The following TPTE variants were observed in gnomAD, a reference collection of about 807,000 sequenced individuals.
TPTE encodes putative tyrosine-protein phosphatase TPTE.
In TPTE, 59 loss-of-function variants were observed where a neutral mutation model predicts 84.1. That is an observed-to-expected ratio of 0.70 (90% CI 0.57 to 0.87). The LOEUF is 0.87. TPTE is among the 40% of genes least tolerant of loss of function. The probability of loss-of-function intolerance (pLI) is 0.00; values close to 1 mark genes in which losing one functional copy is unlikely to be tolerated. For synonymous variants in TPTE, 130 were observed against 223.5 expected, an observed-to-expected ratio of 0.58 and a Z score of 3.73; for missense variants, 382 against 659.6, an observed-to-expected ratio of 0.58 and a Z score of 4.61.
intron 3 of TPTE, among the ~76,000 whole-genome samples, chr21:10,533,974 C>A (rs2074225247): frequency 6.6e-6 from 1 of 152,312 alleles, no homozygotes; most frequent in Non-Finnish European, 1.5e-5. Flanking sequence ...CAACTGGTTA[C>A]AGCTGGATGT....
intron 1 of TPTE, 86 bp downstream of exon 1, chr21:10,521,780 G>C (rs1431766248): frequency 2.0e-5 from 3 of 152,550 alleles, no homozygotes; most frequent in Non-Finnish European, 4.4e-5. Context: ...AGGCGCGAAG[G>C]CACTAGGCGC....
intron 4 of TPTE, among the ~76,000 whole-genome samples, chr21:10,538,965 T>C (rs1374498462): frequency 6.6e-6 from 1 of 152,312 alleles, no homozygotes; most frequent in African/African-American, 2.4e-5. Context: ...TGCGTGGCCA[T>C]AGAGAGTGGT....
chr21:10,563,891 C>T (rs2074859466), intron 10 of TPTE, among the ~76,000 whole-genome samples: 1 of 152,310 alleles, frequency 6.6e-6, no homozygotes, highest in Non-Finnish European at 1.5e-5. Flanking sequence ...TGTGGTGGCT[C>T]ACGCCTGTAA....
intron 17 of TPTE, among the ~76,000 whole-genome samples, chr21:10,583,667 C>T (rs1478274000): frequency 6.6e-6 from 1 of 152,312 alleles, no homozygotes; most frequent in Non-Finnish European, 1.5e-5. Context: ...GTTTAAAGGA[C>T]ATTTTACTAC....
chr21:10,556,363 G>T (rs1442677711), intron 8 of TPTE, among the ~76,000 whole-genome samples: 1 of 152,308 alleles, frequency 6.6e-6, no homozygotes, highest in Admixed American at 6.5e-5. Flanking sequence ...CCCTACAAAG[G>T]ACATGAACTC....
chr21:10,521,955 C>T (rs1239711674), intron 1 of TPTE, among the ~76,000 whole-genome samples: 7 of 152,246 alleles, frequency 4.6e-5, no homozygotes, highest in African/African-American at 1.7e-4. Flanking sequence ...GCGCCCGCTC[C>T]TCCTCATTCA....
chr21:10,545,242 T>C (rs1023721200), intron 7 of TPTE, among the ~76,000 whole-genome samples: 4 of 152,310 alleles, frequency 2.6e-5, no homozygotes, highest in African/African-American at 9.6e-5. Context: ...TTGGTAAAAT[T>C]CATTCACAAA....
At chr21:10,554,042 C>T (rs539469803) in intron 8 of TPTE, among the ~76,000 whole-genome samples, 1 of 152,426 alleles carries the variant, frequency 6.6e-6, no homozygotes, top group Admixed American at 6.5e-5. Flanking sequence ...TTGATGCATG[C>T]ACTTCTAAGT....
intron 13 of TPTE, 21 bp downstream of exon 13, chr21:10,569,767 G>T (rs747734609): frequency 6.2e-7 from 1 of 1,614,012 alleles, no homozygotes; most frequent in East Asian, 2.2e-5. Context: ...CTTAACCGTT[G>T]ATTTACTTGT....
chr21:10,526,558 T>G (rs1165801263), intron 2 of TPTE, among the ~76,000 whole-genome samples: 2 of 152,308 alleles, frequency 1.3e-5, no homozygotes, highest in African/African-American at 4.8e-5. Context: ...AAAATGTATG[T>G]GATCAGTTTC....
chr21:10,584,213 G>T (rs1216144101), intron 17 of TPTE, among the ~76,000 whole-genome samples: 1 of 152,416 alleles, frequency 6.6e-6, no homozygotes, highest in Non-Finnish European at 1.5e-5. Context: ...TTTATTCTTA[G>T]ATTTTTTTTG....
chr21:10,542,004 C>T (rs867856587), intron 5 of TPTE, among the ~76,000 whole-genome samples: 5,025 of 150,446 alleles, frequency 0.033, 1 homozygote, highest in Admixed American at 0.14. Context: ...ACATGAGAAA[C>T]CACCATGCTG....
At chr21:10,574,619 A>C (rs2075113936) in intron 14 of TPTE, among the ~76,000 whole-genome samples, 1 of 152,308 alleles carries the variant, frequency 6.6e-6, no homozygotes, top group Non-Finnish European at 1.5e-5. Flanking sequence ...GACTGACTGG[A>C]TGAACAGGTC....
At chr21:10,536,236 C>T (rs2074262943) in intron 3 of TPTE, among the ~76,000 whole-genome samples, 1 of 152,308 alleles carries the variant, frequency 6.6e-6, no homozygotes. Flanking sequence ...CAAGATGGCT[C>T]CACTGCACTC....
intron 3 of TPTE, among the ~76,000 whole-genome samples, chr21:10,531,862 T>A (rs1223188795): frequency 6.6e-6 from 1 of 152,310 alleles, no homozygotes; most frequent in Admixed American, 6.5e-5. Context: ...AGGTGGGGAT[T>A]TGGTTTCATT....
At chr21:10,578,114 TAAAC>T (rs2075196263) in intron 15 of TPTE, among the ~76,000 whole-genome samples, 1 of 152,310 alleles carries the variant, frequency 6.6e-6, no homozygotes, top group East Asian at 1.9e-4. Context: ...TTATACCTAT[TAAAC>T]AAAAATAAGT....
chr21:10,597,886 A>C, intron 20 of TPTE, 129 bp from the exon 21 acceptor site: 2 of 1,287,812 alleles, frequency 1.6e-6, no homozygotes, highest in Non-Finnish European at 2.2e-6. Context: ...GCAAGACCAA[A>C]TAAGTGACTA....
At chr21:10,522,557 C>T (rs1174642752) in intron 1 of TPTE, among the ~76,000 whole-genome samples, 1 of 152,310 alleles carries the variant, frequency 6.6e-6, no homozygotes, top group Non-Finnish European at 1.5e-5. Context: ...AGCATTGTTT[C>T]TTATTGTAGT....
At chr21:10,588,836 G>A (rs2075413467) in intron 17 of TPTE, among the ~76,000 whole-genome samples, 1 of 152,306 alleles carries the variant, frequency 6.6e-6, no homozygotes, top group African/African-American at 2.4e-5. Context: ...ATTCCTTAGT[G>A]AGTTTTTTTT....
Sources: allele counts gnomAD v4.1 joint callset (sites outside exome capture counted in the v4.1 genomes callset), GRCh38; gene constraint gnomAD v4.1.1; transcripts MANE v1.5; gene names NCBI Gene and HGNC (gene_info 2026-07-23, HGNC 2026-07-21).